Variants in PUM3 observed in about 807,000 individuals in gnomAD.
PUM3 encodes the protein pumilio RNA binding family member 3.
Under a neutral mutation model 84.0 loss-of-function variants are expected in PUM3, and 91 were observed. That is an observed-to-expected ratio of 1.08 (90% CI 0.91 to 1.29). The LOEUF (loss-of-function observed/expected upper bound fraction) is 1.29. Ranked by LOEUF, PUM3 falls within the 50% of genes most tolerant of loss-of-function variation. PUM3 has a pLI of 0.00. For synonymous variants in PUM3, 321 were observed against 266.7 expected (o/e 1.20, Z -1.98); for missense variants, 1,067 against 767.5 (o/e 1.39, Z -4.61).
intron 5 of PUM3, among the ~76,000 whole-genome samples, chr9:2,832,137 A>G (rs1027861556): frequency 1.3e-5 from 2 of 152,234 alleles, no homozygotes; most frequent in Non-Finnish European, 2.9e-5. Context: ...TACTTCCATC[A>G]AAGTCATAAA....
intron 13 of PUM3, among the ~76,000 whole-genome samples, chr9:2,816,203 T>C (rs141692086): frequency 9.8e-4 from 149 of 152,296 alleles, no homozygotes; most frequent in South Asian, 5.6e-3. Flanking sequence ...ACCTAAAAGC[T>C]AGTGAAGAGG....
At chr9:2,816,761 G>A (rs1323479307) in intron 13 of PUM3, among the ~76,000 whole-genome samples, 1 of 152,182 alleles carries the variant, frequency 6.6e-6, no homozygotes, top group African/African-American at 2.4e-5. Flanking sequence ...TCAAGGAAAG[G>A]ATGGCAAAGA....
At chr9:2,832,049 C>T (rs932096742) in intron 5 of PUM3, among the ~76,000 whole-genome samples, 9 of 152,152 alleles carry the variant, frequency 5.9e-5, no homozygotes, top group Admixed American at 1.3e-4. Context: ...CACTACGCCA[C>T]AGTACCAGTC....
chr9:2,820,536 TAC>T (rs201509056), intron 12 of PUM3, among the ~76,000 whole-genome samples: 8 of 151,182 alleles, frequency 5.3e-5, no homozygotes, highest in Admixed American at 6.6e-5. Context: ...TTTACACACA[TAC>T]ACACACACAC....
At chr9:2,815,528 T>G (rs1406918456) in intron 13 of PUM3, among the ~76,000 whole-genome samples, 1 of 152,194 alleles carries the variant, frequency 6.6e-6, no homozygotes, top group African/African-American at 2.4e-5. Flanking sequence ...CTTTGGCAAA[T>G]CCATTAAACT....
intron 8 of PUM3, 96 bp from the exon 9 acceptor site, chr9:2,828,874 A>G: frequency 1.3e-6 from 1 of 754,918 alleles, no homozygotes. Flanking sequence ...AATAAGTTTT[A>G]ACAAATTTAA....
At chr9:2,824,897 A>G in intron 10 of PUM3, 82 bp from the exon 11 acceptor site, 1 of 874,256 alleles carries the variant, frequency 1.1e-6, no homozygotes, top group Non-Finnish European at 1.6e-6. Flanking sequence ...TACAGGGGGC[A>G]GTTATGCAGA....
chr9:2,834,114 T>G lies in PUM3; in HGVS notation c.357A>C (p.Glu119Asp). 1 of 1,613,748 alleles carries G rather than the reference T, an allele frequency of 6.2e-7. No individual in the cohort carries two copies. The highest frequency in any genetic ancestry group is 8.5e-7 in the Non-Finnish European group (1 of 1,179,772). Residue 119 changes from glutamate to aspartate, a missense_variant, in exon 4 of 18, where the codon GAA becomes GAC. Coordinates refer to ENST00000397885, the MANE Select transcript of PUM3 (RefSeq NM_014878.5). ...CACTGAGTTGTCTGCTTTGCTTCAG[T>G]TCTTTCTTCTTCTTTTTGAAGTCAT... ...KWDDFKKKKK[E>D]LKQSRQLSDK...
chr9:2,821,427 G>GAGC (rs1815618033), intron 12 of PUM3, among the ~76,000 whole-genome samples: 1 of 88,906 alleles, frequency 1.1e-5, no homozygotes, highest in Non-Finnish European at 2.1e-5. Flanking sequence ...CTGGGCGACA[G>GAGC]AGCAAGACTC....
At chr9:2,834,914 A>C (rs540300139) in intron 3 of PUM3, among the ~76,000 whole-genome samples, 2 of 152,266 alleles carry the variant, frequency 1.3e-5, no homozygotes, top group African/African-American at 4.8e-5. Flanking sequence ...CAACTTACTA[A>C]AATGGGTATT....
intron 3 of PUM3, 31 bp downstream of exon 3, chr9:2,837,149 C>G (rs765486768): frequency 3.3e-5 from 52 of 1,562,914 alleles, no homozygotes; most frequent in Non-Finnish European, 4.2e-5. Context: ...CGTTCAGGCA[C>G]TAGTTCAGGC....
In PUM3 at chr9:2,811,378, C is replaced by A. The variant is rs1411088901; in HGVS notation, c.1618G>T (p.Gly540Cys). 1 of 1,613,972 alleles carries A rather than the reference C, an allele frequency of 6.2e-7. No homozygotes were observed. The highest frequency in any genetic ancestry group is 8.5e-7 in the Non-Finnish European group (1 of 1,180,036). ...ASLAATGLHP[G>C]GKDGELHIAE... is the part of the protein sequence containing the mutation. ...CACATTACCTCTCCGTCCTTGCCAC[C>A]AGGATGCAGTCCTGTTGCTGCCAAG... Residue 540 changes from glycine (G) to cysteine (C), a missense_variant, in exon 15 of 18, where the codon GGT becomes TGT. Physicochemically the swap from Gly to Cys is radical, Grantham distance 159. Coordinates refer to ENST00000397885, the MANE Select transcript of PUM3 (RefSeq NM_014878.5).
intron 7 of PUM3, among the ~76,000 whole-genome samples, chr9:2,830,692 G>A (rs542598458): frequency 2.8e-4 from 42 of 152,240 alleles, no homozygotes; most frequent in African/African-American, 8.9e-4. Flanking sequence ...GAAGGTGAGG[G>A]TATACCTCCA....
At position 2,804,355 on chromosome 9, in the gene PUM3, AATTTCT is replaced by A; in HGVS notation, c.1917_1922del (p.Glu640_Ile641del). The A allele has an allele frequency of 6.2e-7, 1 of 1,613,744 alleles. No homozygotes were observed. The highest frequency in any genetic ancestry group is 8.5e-7 in the Non-Finnish European group (1 of 1,179,920). On this transcript the variant is annotated inframe_deletion, in exon 18 of 18. Coordinates refer to ENST00000397885, the MANE Select transcript of PUM3 (RefSeq NM_014878.5). ...CCTATGTGCTCAGTTTTTCAAGTAG[AATTTCT>A]ATTCCTTTGCTGGTGCTTTTGGTTT...
chr9:2,829,318 A>C (rs1815908991), intron 8 of PUM3, among the ~76,000 whole-genome samples: 2 of 152,196 alleles, frequency 1.3e-5, no homozygotes, highest in South Asian at 2.1e-4. Context: ...ACTCTATCCA[A>C]GGTTAGGTCT....
chr9:2,828,284 T>C (rs1398477053), intron 9 of PUM3, among the ~76,000 whole-genome samples: 1 of 152,172 alleles, frequency 6.6e-6, no homozygotes, highest in Non-Finnish European at 1.5e-5. Flanking sequence ...CAAGTGATTC[T>C]CCCAGCTTGG....
At chr9:2,828,588 T>G (rs1815885289) in intron 9 of PUM3, 87 bp downstream of exon 9, 1 of 779,964 alleles carries the variant, frequency 1.3e-6, no homozygotes, top group Admixed American at 2.1e-5. Context: ...AAGCAGGAAA[T>G]AGCTACCTCT....
intron 15 of PUM3, among the ~76,000 whole-genome samples, chr9:2,810,867 G>C (rs555196126): frequency 1.3e-5 from 2 of 152,292 alleles, no homozygotes; most frequent in East Asian, 3.9e-4. Flanking sequence ...ATTATCTGAT[G>C]AGCGAATCAA....
chr9:2,815,106 T>C (rs1214564711), intron 13 of PUM3, among the ~76,000 whole-genome samples: 2 of 152,214 alleles, frequency 1.3e-5, no homozygotes, highest in Non-Finnish European at 1.5e-5. Flanking sequence ...TCCCTTTTGG[T>C]TTGTAATTAA....
Sources: allele counts gnomAD v4.1 joint callset (sites outside exome capture counted in the v4.1 genomes callset), GRCh38; gene constraint gnomAD v4.1.1; transcripts MANE v1.5; gene names NCBI Gene and HGNC (gene_info 2026-07-23, HGNC 2026-07-21).